The following KIF4A variants were observed in gnomAD, a reference collection of about 807,000 sequenced individuals.
KIF4A encodes kinesin family member 4A, also known as chromosome-associated kinesin KIF4A.
Under a neutral mutation model 105.9 loss-of-function variants are expected in KIF4A, and 7 were observed. The ratio of observed to expected loss-of-function variants is 0.07; its 90% CI spans 0.04 to 0.12. The LOEUF is 0.12. Ranked by LOEUF, KIF4A falls within the 10% of genes least tolerant of loss-of-function variation. The pLI is 1.00. For missense variants in KIF4A, 558 were observed against 929.2 expected, an observed-to-expected ratio of 0.60 and a Z score of 5.19; for synonymous variants, 281 against 331.3, an observed-to-expected ratio of 0.85 and a Z score of 1.65.
At chrX:70,400,780 G>GT (rs2086278427) in intron 22 of KIF4A, among the ~76,000 whole-genome samples, 1 of 107,677 alleles carries the variant, frequency 9.3e-6, no homozygotes. Flanking sequence ...TTTTGTTTTT[G>GT]TTTTTTTGAC....
chrX:70,339,229 T>G (rs964035948), intron 10 of KIF4A, among the ~76,000 whole-genome samples: 2 of 112,278 alleles, frequency 1.8e-5, no homozygotes, highest in Admixed American at 1.9e-4. Flanking sequence ...TTGTTTTCAA[T>G]TATTCATTTT....
chrX:70,365,067 G>A (rs1162351636), intron 15 of KIF4A, among the ~76,000 whole-genome samples: 2 of 111,739 alleles, frequency 1.8e-5, no homozygotes, highest in African/African-American at 6.5e-5. Context: ...GTATAAGAAT[G>A]CTTGTGATTT....
At position 70,404,700 on chromosome X, in the gene KIF4A, C is replaced by T. The variant is rs762279707; in HGVS notation, c.2791-15C>T. ...GTACCTTTGTTACCACCCATTGGATCGTGTCTTTCTCTAGGTGCTGTACCT... is the reference window on the plus strand; with the variant it reads ...GTACCTTTGTTACCACCCATTGGATTGTGTCTTTCTCTAGGTGCTGTACCT... On this transcript the variant is annotated splice_polypyrimidine_tract_variant and intron_variant, in intron 24 of 30. Transcript: ENST00000374403. 2.5e-5 allele frequency: 29 copies of T among 1,164,185 alleles called. No homozygotes were observed. Among genetic ancestry groups the T allele is most frequent in the Non-Finnish European group, 3.3e-5 (28 of 859,362 alleles).
intron 15 of KIF4A, among the ~76,000 whole-genome samples, chrX:70,365,755 C>T (rs1293216967): frequency 1.8e-5 from 2 of 111,811 alleles, no homozygotes; most frequent in East Asian, 5.6e-4. Flanking sequence ...ATGCTGGCCT[C>T]ATAAAATGAG....
At chrX:70,367,104 T>C (rs1455394039) in intron 15 of KIF4A, among the ~76,000 whole-genome samples, 2 of 111,699 alleles carry the variant, frequency 1.8e-5, no homozygotes, top group Non-Finnish European at 3.8e-5. Flanking sequence ...ATTTGCTTGG[T>C]AGATCTTCCT....
At chrX:70,359,048 G>GCTT (rs1055678652) in intron 15 of KIF4A, among the ~76,000 whole-genome samples, 16 of 111,920 alleles carry the variant, frequency 1.4e-4, no homozygotes, top group Admixed American at 9.5e-5. Context: ...ATATTGGCAT[G>GCTT]CTTCTTCTTG....
intron 7 of KIF4A, among the ~76,000 whole-genome samples, chrX:70,310,311 T>TTG (rs1555945529): frequency 0.14 from 11,921 of 86,085 alleles, 713 homozygotes; most frequent in South Asian, 0.21. Flanking sequence ...CTCAAAATGG[T>TTG]TGTGTGTGTG....
intron 13 of KIF4A, 83 bp from the exon 14 acceptor site, chrX:70,352,517 A>G: frequency 1.4e-6 from 1 of 737,318 alleles, no homozygotes; most frequent in Admixed American, 2.6e-5. Flanking sequence ...ATACACTTAA[A>G]AAAAATTAAA....
intron 22 of KIF4A, among the ~76,000 whole-genome samples, chrX:70,397,147 G>C (rs1417407807): frequency 1.8e-5 from 2 of 111,513 alleles, no homozygotes; most frequent in Non-Finnish European, 3.8e-5. Context: ...AAGGCAGGCA[G>C]ATCACGAGGT....
intron 4 of KIF4A, among the ~76,000 whole-genome samples, chrX:70,298,069 G>A (rs188547605): frequency 3.5e-4 from 38 of 109,247 alleles, no homozygotes; most frequent in African/African-American, 1.1e-3. Context: ...CCAGGGGTCC[G>A]AGACCAGCCT....
At chrX:70,382,212 T>C (rs1429612145) in intron 18 of KIF4A, among the ~76,000 whole-genome samples, 4 of 112,018 alleles carry the variant, frequency 3.6e-5, no homozygotes, top group African/African-American at 1.3e-4. Context: ...GGTGGATCAC[T>C]TGAGGTCAGG....
chrX:70,363,924 T>A (rs1361952776), intron 15 of KIF4A, among the ~76,000 whole-genome samples: 1 of 112,055 alleles, frequency 8.9e-6, no homozygotes, highest in Non-Finnish European at 1.9e-5. Flanking sequence ...ACTTTAATGA[T>A]CACCATTCTA....
At chrX:70,372,042 G>T (rs1385007175) in intron 15 of KIF4A, among the ~76,000 whole-genome samples, 1 of 104,525 alleles carries the variant, frequency 9.6e-6, no homozygotes, top group African/African-American at 3.5e-5. Flanking sequence ...CATCTCAGAC[G>T]ATGGGCGGCC....
intron 11 of KIF4A, among the ~76,000 whole-genome samples, chrX:70,343,438 C>G (rs2085979757): frequency 9.0e-6 from 1 of 111,409 alleles, no homozygotes; most frequent in East Asian, 2.8e-4. Flanking sequence ...GCTTCACACT[C>G]CACCCCATAG....
intron 15 of KIF4A, among the ~76,000 whole-genome samples, chrX:70,364,268 T>G (rs953657142): frequency 2.7e-5 from 3 of 111,413 alleles, no homozygotes; most frequent in Admixed American, 9.6e-5. Flanking sequence ...GTCAATTTTG[T>G]CTTTTGTTGC....
At chrX:70,324,290 A>C (rs1036110321) in intron 7 of KIF4A, among the ~76,000 whole-genome samples, 1 of 112,035 alleles carries the variant, frequency 8.9e-6, no homozygotes, top group African/African-American at 3.2e-5. Flanking sequence ...TAATTATTTA[A>C]TTATCTGTTT....
Position 70,343,958 on chromosome X carries a change from G to A in KIF4A, c.1407G>A (p.Leu469=). The change falls in exon 13 of 31, where the codon CTG becomes CTA. Residue 469 remains leucine (L), a synonymous_variant. Coordinates refer to ENST00000374403, the MANE Select transcript of KIF4A (RefSeq NM_012310.5). Reference sequence around the variant, plus strand: ...AAAATGTAGAGATAATTTGTAACCTGCAGCAATTGATTACCCAGTTATCGG... The same window carrying A: ...AAAATGTAGAGATAATTTGTAACCTACAGCAATTGATTACCCAGTTATCGG... ...LKENVEIICN[L]QQLITQLSDE... 1 of 1,205,246 alleles carries A rather than the reference G, an allele frequency of 8.3e-7. No homozygotes were observed. Among genetic ancestry groups the A allele is most frequent in the Non-Finnish European group, 1.1e-6 (1 of 889,871 alleles).
intron 7 of KIF4A, among the ~76,000 whole-genome samples, chrX:70,322,708 C>CTT (rs200358355): frequency 4.0e-5 from 4 of 100,045 alleles, no homozygotes; most frequent in African/African-American, 1.5e-4. Flanking sequence ...GTTCTATGCT[C>CTT]TTTTTTTTTT....
chrX:70,383,186 CAA>C (rs372003538), intron 18 of KIF4A, among the ~76,000 whole-genome samples: 11 of 55,999 alleles, frequency 2.0e-4, no homozygotes, highest in Admixed American at 4.6e-4. Context: ...GACTCCATCT[CAA>C]AAAAAAAAAA....
Sources: allele counts gnomAD v4.1 joint callset (sites outside exome capture counted in the v4.1 genomes callset), GRCh38; gene constraint gnomAD v4.1.1; transcripts MANE v1.5; gene names NCBI Gene and HGNC (gene_info 2026-07-23, HGNC 2026-07-21).